Variants in PTPRB observed in about 807,000 individuals in gnomAD.
The protein encoded by PTPRB is receptor-type tyrosine-protein phosphatase beta.
Under a neutral mutation model 238.1 loss-of-function variants are expected in PTPRB, and 97 were observed. The observed-to-expected ratio is 0.41, with a 90% CI of 0.35 to 0.48. The LOEUF (loss-of-function observed/expected upper bound fraction) is 0.48. Ranked by LOEUF, PTPRB falls within the 20% of genes least tolerant of loss-of-function variation. The pLI is 0.30. For synonymous variants in PTPRB, 970 were observed against 995.4 expected (o/e 0.97, Z 0.48); for missense variants, 2,292 against 2,681.9 (o/e 0.85, Z 3.21).
chr12:70,611,448 C>T (rs1884439410), intron 3 of PTPRB, among the ~76,000 whole-genome samples: 1 of 151,930 alleles, frequency 6.6e-6, no homozygotes, highest in South Asian at 2.1e-4. Flanking sequence ...GCCACTACAC[C>T]CAGCTAATTT....
At chr12:70,565,100 C>T (rs948577041) in intron 15 of PTPRB, among the ~76,000 whole-genome samples, 1 of 152,142 alleles carries the variant, frequency 6.6e-6, no homozygotes, top group African/African-American at 2.4e-5. Flanking sequence ...AGTGCCTAGC[C>T]TATAGTAGGT....
Position 70,609,071 on chromosome 12 carries a change from G to A in PTPRB, c.977C>T (p.Thr326Ile). ...LDEERTVVLQ[T>I]DPLPPARFGV... ...CAATTGCACCTGTCATCCTTTACCT[G>A]TTTGCAAGACCACTGTTCTCTCTTC... The change falls in exon 4 of 34, where the codon ACA (threonine) becomes ATA (isoleucine). Residue 326 changes from threonine (T) to isoleucine (I), a missense_variant and splice_region_variant. Thr to Ile is a moderately conservative substitution (Grantham distance 89). Around this residue, in one of 4 missense-constraint regions of PTPRB, gnomAD observed 1,205 missense variants for 1,287.8 expected, o/e 0.94. Coordinates refer to ENST00000334414, the MANE Select transcript of PTPRB (RefSeq NM_001109754.4). 1 of 1,613,924 alleles carries A rather than the reference G, an allele frequency of 6.2e-7. No homozygotes were observed. The highest frequency in any genetic ancestry group is 8.5e-7 in the Non-Finnish European group (1 of 1,179,832).
chr12:70,610,628 C>T (rs1255390403), intron 3 of PTPRB, among the ~76,000 whole-genome samples: 1 of 152,010 alleles, frequency 6.6e-6, no homozygotes, highest in Non-Finnish European at 1.5e-5. Flanking sequence ...AGAAAAAGAC[C>T]CCAAAAGGAT....
chr12:70,521,429 GT>G lies in PTPRB; in HGVS notation c.*59del. ...GGCACCTCTGTAGGGCATGAAGCAAGTTTTTAAAAACAAATCACACAGTGAA... is the reference window on the plus strand; with the variant it reads ...GGCACCTCTGTAGGGCATGAAGCAAGTTTTAAAAACAAATCACACAGTGAA... On this transcript the variant is annotated 3_prime_UTR_variant, in exon 34 of 34. Transcript: ENST00000334414. 1.4e-6 allele frequency: 2 copies of G among 1,448,236 alleles called. No homozygotes were observed. Among genetic ancestry groups the G allele is most frequent in the East Asian group, 2.5e-5 (1 of 39,530 alleles). 89.7% of individuals were successfully genotyped at this position (1,448,236 alleles called of 1,614,324 possible).
In PTPRB at chr12:70,594,734, T is replaced by C; in HGVS notation, c.1259-10A>G. 6.2e-7 allele frequency: 1 copy of C among 1,613,552 alleles called. No homozygotes were observed. The highest frequency in any genetic ancestry group is 8.5e-7 in the Non-Finnish European group (1 of 1,179,532). ...TTCACTGGAGATGGCACTAGTGGGA[T>C]AAAATGCATGTCCAAATGTCATTAA... On this transcript the variant is annotated splice_polypyrimidine_tract_variant and intron_variant, in intron 5 of 33. Transcript: ENST00000334414.
chr12:70,600,772 T>C (rs1042408811), intron 4 of PTPRB, among the ~76,000 whole-genome samples: 1 of 152,204 alleles, frequency 6.6e-6, no homozygotes, highest in African/African-American at 2.4e-5. Context: ...CATGGCTCAC[T>C]GCAGTCTCAA....
chr12:70,609,750 G>C (rs1448809471), intron 3 of PTPRB: 4 of 1,572,500 alleles, frequency 2.5e-6, no homozygotes, highest in Admixed American at 1.8e-5. Flanking sequence ...ACCCCTTCTC[G>C]GGCCACTCAC....
In PTPRB at chr12:70,555,140, G is replaced by A. The variant is rs762337998; in HGVS notation, c.5143+20C>T. 9 of 1,610,614 alleles carry A rather than the reference G, an allele frequency of 5.6e-6. No individual in the cohort carries two copies. Among genetic ancestry groups the A allele is most frequent in the African/African-American group, 2.7e-5 (2 of 74,826 alleles). ...AAGCAATTCTGTGTCTCAGAGTGGAGTTAACTCATGATAACTTACCATCAG... is the reference window on the plus strand; with the variant it reads ...AAGCAATTCTGTGTCTCAGAGTGGAATTAACTCATGATAACTTACCATCAG... On this transcript the variant is annotated intron_variant, in intron 20 of 33. Coordinates refer to ENST00000334414, the MANE Select transcript of PTPRB (RefSeq NM_001109754.4).
In PTPRB at chr12:70,520,043, C is replaced by T. The variant is rs552977610; in HGVS notation, c.*1446G>A. On this transcript the variant is annotated 3_prime_UTR_variant, in exon 34 of 34. Coordinates refer to ENST00000334414, the MANE Select transcript of PTPRB (RefSeq NM_001109754.4). ...TATATACTTTGAAAAGAAATATACT[C>T]TTTATGCAAAGGAAGCTATGCCATC... 34 of 327,286 alleles carry T rather than the reference C, an allele frequency of 1.0e-4. No individual in the cohort carries two copies. The highest frequency in any genetic ancestry group is 7.0e-4 in the African/African-American group (32 of 45,744). The allele number at this position is 327,286 out of a possible 1,614,324, so 20.3% of individuals were successfully genotyped here. A position where few individuals can be genotyped will look rare whatever the true frequency, so the allele number is the denominator to read the frequency against.
intron 21 of PTPRB, among the ~76,000 whole-genome samples, chr12:70,547,775 C>T (rs891524204): frequency 6.6e-6 from 1 of 151,878 alleles, no homozygotes; most frequent in Admixed American, 6.6e-5. Flanking sequence ...CCAAAGTGCT[C>T]GGATTACAAG....
rs909320727 is a variant in PTPRB, at chr12:70,540,725, T to C, written c.5594+133A>G. ...ATGGCTTTAGAGTTTGACTTGTTTTTATTGAGAAAACAGTGACAATTTAAC... is the reference window on the plus strand; with the variant it reads ...ATGGCTTTAGAGTTTGACTTGTTTTCATTGAGAAAACAGTGACAATTTAAC... On this transcript the variant is annotated intron_variant, in intron 23 of 33. Coordinates refer to ENST00000334414, the MANE Select transcript of PTPRB (RefSeq NM_001109754.4). 3.6e-5 allele frequency: 25 copies of C among 691,376 alleles called. No homozygotes were observed. In the African/African-American group the frequency reaches 3.8e-4, roughly 11 times the overall value. 42.8% of individuals were successfully genotyped at this position (691,376 alleles called of 1,614,324 possible).
chr12:70,517,671 T>G lies in PTPRB; in HGVS notation c.*3818A>C, dbSNP rs551636455. On this transcript the variant is annotated 3_prime_UTR_variant, in exon 34 of 34. Coordinates refer to ENST00000334414, the MANE Select transcript of PTPRB (RefSeq NM_001109754.4). Reference sequence around the variant, plus strand: ...GGAACCCAGAAAGCCCTTGAACTGCTATCATATACAAGCAGTTTATTACCT... The same window carrying G: ...GGAACCCAGAAAGCCCTTGAACTGCGATCATATACAAGCAGTTTATTACCT... 1 of 152,166 alleles carries G rather than the reference T, an allele frequency of 6.6e-6. No individual in the cohort carries two copies. The highest frequency in any genetic ancestry group is 1.9e-4 in the East Asian group (1 of 5,172). The allele number at this position is 152,166 out of a possible 1,614,324, so 9.4% of individuals were successfully genotyped here.
At chr12:70,608,431 A>G (rs73328141) in intron 4 of PTPRB, among the ~76,000 whole-genome samples, 3,605 of 152,346 alleles carry the variant, frequency 0.024, 125 homozygotes, top group African/African-American at 0.066. Context: ...GAGGCAAGAA[A>G]GGCAAACTCT....
chr12:70,571,636 T>C (rs1185712720), intron 12 of PTPRB, among the ~76,000 whole-genome samples, 188 bp downstream of exon 12: 1 of 152,224 alleles, frequency 6.6e-6, no homozygotes, highest in Non-Finnish European at 1.5e-5. Flanking sequence ...TCACTATGTT[T>C]GCTTTTATCT....
At chr12:70,536,986 G>T (rs1874226116) in intron 28 of PTPRB, among the ~76,000 whole-genome samples, 1 of 152,170 alleles carries the variant, frequency 6.6e-6, no homozygotes, top group African/African-American at 2.4e-5. Flanking sequence ...CAAGAGGCTT[G>T]TCAGAAATGC....
chr12:70,618,746 A>G lies in PTPRB; in HGVS notation c.708+3644T>C, dbSNP rs144681671. 9.3e-3 allele frequency among the ~76,000 whole-genome samples: 1,421 copies of G among 152,370 alleles called. 21 individuals carry two copies. Among genetic ancestry groups the G allele is most frequent in the African/African-American group, 0.031 (1,294 of 41,586 alleles). ...GTCCTTGTGAAGACACGCAATCCAC[A>G]TAATACTATTTATAAAAGTGACAAT... On this transcript the variant is annotated intron_variant, in intron 3 of 33. Coordinates refer to ENST00000334414, the MANE Select transcript of PTPRB (RefSeq NM_001109754.4).
At chr12:70,530,466 CAT>C (rs767322278) in intron 32 of PTPRB, among the ~76,000 whole-genome samples, 28 of 151,404 alleles carry the variant, frequency 1.8e-4, no homozygotes, top group East Asian at 5.9e-4. Context: ...CACATGTACA[CAT>C]ATATGCAATA....
chr12:70,560,552 G>T lies in PTPRB; in HGVS notation c.4432+119C>A. The T allele has an allele frequency of 7.5e-7, 1 of 1,329,750 alleles. No individual in the cohort carries two copies. The allele number at this position is 1,329,750 out of a possible 1,614,324, so 82.4% of individuals were successfully genotyped here. A position where few individuals can be genotyped will look rare whatever the true frequency, so the allele number is the denominator to read the frequency against. Reference sequence around the variant, plus strand: ...TCCCACAGTCCCTTCCCAAATTCAGGGGCTAGCTCAGGGTATATCATTATT... The same window carrying T: ...TCCCACAGTCCCTTCCCAAATTCAGTGGCTAGCTCAGGGTATATCATTATT... On this transcript the variant is annotated intron_variant, in intron 17 of 33. Coordinates refer to ENST00000334414, the MANE Select transcript of PTPRB (RefSeq NM_001109754.4). The surrounding 1 kb of genome is among the most constrained non-coding windows in gnomAD (Gnocchi z 4.2).
At chr12:70,628,118 A>G (rs1885288788) in intron 2 of PTPRB, among the ~76,000 whole-genome samples, 1 of 152,192 alleles carries the variant, frequency 6.6e-6, no homozygotes. Flanking sequence ...CGGTTCGGCC[A>G]TATCAGGGAC....
Sources: gnomAD v4.1 joint callset for allele counts (sites outside exome capture counted in the v4.1 genomes callset) on GRCh38, gnomAD v4.1.1 for gene constraint, gnomAD v4.1.1 regional missense constraint, Gnocchi (gnomAD v3.1) non-coding constraint, MANE v1.5 for transcripts, NCBI Gene and HGNC (gene_info 2026-07-23, HGNC 2026-07-21) for gene names.